DHCR24: variants seen among roughly 807,000 people sequenced by gnomAD.
DHCR24 encodes the protein delta(24)-sterol reductase.
DHCR24 carries 28 observed loss-of-function variants against 61.2 expected under a neutral mutation model. The observed-to-expected ratio is 0.46, with a 90% CI of 0.34 to 0.63. The LOEUF (loss-of-function observed/expected upper bound fraction) is 0.63, where lower values mean the gene tolerates loss of function less well. DHCR24 is among the 20% of genes least tolerant of loss of function. The pLI, the probability that DHCR24 is intolerant of heterozygous loss-of-function variation, is 0.01. For missense variants in DHCR24, 538 were observed against 679.1 expected, an observed-to-expected ratio of 0.79 and a Z score of 2.31; for synonymous variants, 261 against 275.9, an observed-to-expected ratio of 0.95 and a Z score of 0.54.
chr1:54,875,319 C>T, intron 3 of DHCR24, 108 bp from the exon 4 acceptor site: 1 of 913,952 alleles, frequency 1.1e-6, no homozygotes, highest in African/African-American at 1.6e-5. Context: ...GGCAGGCTAG[C>T]AGAAATGGGG....
intron 6 of DHCR24, among the ~76,000 whole-genome samples, chr1:54,855,696 A>G (rs1237609001): frequency 6.6e-6 from 1 of 152,046 alleles, no homozygotes. Flanking sequence ...CTGCCGGACC[A>G]CTCCCATGAA....
chr1:54,866,953 G>A (rs1201536973), intron 5 of DHCR24, among the ~76,000 whole-genome samples: 1 of 152,232 alleles, frequency 6.6e-6, no homozygotes. Context: ...CCCAGGTGAG[G>A]TGTGTCACAT....
intron 7 of DHCR24, among the ~76,000 whole-genome samples, 174 bp downstream of exon 7, chr1:54,853,863 G>A (rs1387370894): frequency 6.6e-6 from 1 of 152,104 alleles, no homozygotes; most frequent in Admixed American, 6.5e-5. Flanking sequence ...TCCCAGGGGG[G>A]CCATCACTGA....
At chr1:54,874,694 G>C (rs1209845076) in intron 4 of DHCR24, among the ~76,000 whole-genome samples, 1 of 152,298 alleles carries the variant, frequency 6.6e-6, no homozygotes, top group African/African-American at 2.4e-5. Flanking sequence ...AGAGAGGCAG[G>C]ATGGCATAAT....
chr1:54,882,933 G>C (rs1647072353), intron 2 of DHCR24, among the ~76,000 whole-genome samples: 1 of 152,068 alleles, frequency 6.6e-6, no homozygotes, highest in Non-Finnish European at 1.5e-5. Flanking sequence ...TTGTTGTCTT[G>C]ATTGTGGTAA....
intron 4 of DHCR24, among the ~76,000 whole-genome samples, chr1:54,874,820 C>A (rs1236215767): frequency 6.7e-6 from 1 of 149,828 alleles, no homozygotes; most frequent in African/African-American, 2.5e-5. Flanking sequence ...GGATAATAAT[C>A]CTTCTATTAT....
intron 6 of DHCR24, among the ~76,000 whole-genome samples, chr1:54,864,208 C>T (rs936642569): frequency 1.3e-5 from 2 of 152,154 alleles, no homozygotes; most frequent in African/African-American, 4.8e-5. Flanking sequence ...AGTTCTATAT[C>T]CCAAAGAACT....
intron 5 of DHCR24, 96 bp from the exon 6 acceptor site, chr1:54,865,542 G>A (rs1343916607): frequency 8.4e-6 from 13 of 1,539,826 alleles, no homozygotes; most frequent in Non-Finnish European, 1.2e-5. Flanking sequence ...AGCACTCCTG[G>A]CCTTTTCAAA....
intron 8 of DHCR24, among the ~76,000 whole-genome samples, chr1:54,853,136 T>C (rs1646886057): frequency 6.6e-6 from 1 of 152,054 alleles, no homozygotes; most frequent in African/African-American, 2.4e-5. Flanking sequence ...CATCATCTGT[T>C]CCGTGGGGAG....
chr1:54,868,065 C>T (rs933611670), intron 5 of DHCR24, among the ~76,000 whole-genome samples: 25 of 152,252 alleles, frequency 1.6e-4, no homozygotes, highest in Admixed American at 1.4e-3. Context: ...AGGATTGTAC[C>T]GGATGATTTT....
intron 6 of DHCR24, among the ~76,000 whole-genome samples, chr1:54,863,685 G>A (rs1029995008): frequency 6.6e-6 from 1 of 152,086 alleles, no homozygotes; most frequent in African/African-American, 2.4e-5. Flanking sequence ...ACAAACAAAA[G>A]GGAAAATAGA....
Position 54,883,831 on chromosome 1 carries a change from C to A in DHCR24, c.232-58G>T, listed in dbSNP as rs1024716748. 6.8e-6 allele frequency: 11 copies of A among 1,609,938 alleles called. No homozygotes were observed. The highest frequency in any genetic ancestry group is 1.3e-5 in the African/African-American group (1 of 74,878). ...CACTGGGAATCCCCAGAGCAGCCTG[C>A]AGCCCTGCTTTCTTCAAGGGCGAGC... is the stretch of plus-strand genomic sequence containing the variant. On this transcript the variant is annotated intron_variant, in intron 1 of 8. Coordinates refer to ENST00000371269, the MANE Select transcript of DHCR24 (RefSeq NM_014762.4). The surrounding 1 kb of genome is among the most constrained non-coding windows in gnomAD (Gnocchi z 4.3).
At chr1:54,884,863 C>A (rs1040595017) in intron 1 of DHCR24, among the ~76,000 whole-genome samples, 1 of 152,106 alleles carries the variant, frequency 6.6e-6, no homozygotes. Flanking sequence ...ACTGTTGGGG[C>A]CTCTGCAGGG....
Position 54,865,455 on chromosome 1 carries a change from A to T in DHCR24, c.877-9T>A. Reference sequence around the variant, plus strand: ...TTGCCAATGCTATTCAGCTGAAATGACAGAGGGCATTGTGATCAGCCTGCA... The same window carrying T: ...TTGCCAATGCTATTCAGCTGAAATGTCAGAGGGCATTGTGATCAGCCTGCA... On this transcript the variant is annotated splice_polypyrimidine_tract_variant and intron_variant, in intron 5 of 8. Transcript: ENST00000371269. The T allele has an allele frequency of 6.2e-7, 1 of 1,614,044 alleles. No homozygotes were observed.
Position 54,875,213 on chromosome 1 carries a change from T to C in DHCR24, c.494-2A>G, listed in dbSNP as rs112836791. ...TGCCTGTGCCCATGATCAAGCCCCC[T>C]GCAGAGACATCACACACAGTGTCAG... On this transcript the variant is annotated splice_acceptor_variant, in intron 3 of 8. Coordinates refer to ENST00000371269, the MANE Select transcript of DHCR24 (RefSeq NM_014762.4). LOFTEE classifies it high-confidence loss of function. 1 of 1,613,974 alleles carries C rather than the reference T, an allele frequency of 6.2e-7. No individual in the cohort carries two copies. The highest frequency in any genetic ancestry group is 1.3e-5 in the African/African-American group (1 of 75,026).
chr1:54,857,949 G>A lies in DHCR24; in HGVS notation c.1021-3715C>T, dbSNP rs578079834. ...TGCAGCTTGTTAAGGGGCTTAGCAC[G>A]CAGGCCTGGTCACACTTGGTTCATT... On this transcript the variant is annotated intron_variant, in intron 6 of 8. Transcript: ENST00000371269. 1.4e-4 allele frequency among the ~76,000 whole-genome samples: 21 copies of A among 152,284 alleles called. No homozygotes were observed. In the East Asian group the frequency reaches 2.3e-3, roughly 17 times the overall value.
At chr1:54,875,002 T>C in intron 4 of DHCR24, 91 bp downstream of exon 4, 1 of 1,108,324 alleles carries the variant, frequency 9.0e-7, no homozygotes, top group African/African-American at 1.5e-5. Flanking sequence ...GTACTGGGAA[T>C]GAAGCACACC....
Position 54,851,953 on chromosome 1 carries a change from C to A in DHCR24, c.*280G>T, listed in dbSNP as rs1235983994. The A allele has an allele frequency of 2.0e-5, 10 of 500,778 alleles. No individual in the cohort carries two copies. The highest frequency in any genetic ancestry group is 3.6e-5 in the Non-Finnish European group (10 of 274,130). The allele number at this position is 500,778 out of a possible 1,614,324, so 31.0% of individuals were successfully genotyped here. The stretch of plus-strand genomic sequence containing the variant: ...CTATCCCTTTCAACTAATGAAGAGA[C>A]CCGGGCTCAGAGGGGTTAAGGGACT... On this transcript the variant is annotated 3_prime_UTR_variant, in exon 9 of 9. Transcript: ENST00000371269.
At chr1:54,865,217 G>A in intron 6 of DHCR24, 86 bp downstream of exon 6, 2 of 1,497,882 alleles carry the variant, frequency 1.3e-6, no homozygotes, top group Admixed American at 1.9e-5. Flanking sequence ...ACCCTGAAGG[G>A]AGAGAGTATG....
Sources: allele counts gnomAD v4.1 joint callset (sites outside exome capture counted in the v4.1 genomes callset), GRCh38; gene constraint gnomAD v4.1.1; non-coding constraint Gnocchi (gnomAD v3.1); transcripts MANE v1.5; gene names NCBI Gene and HGNC (gene_info 2026-07-23, HGNC 2026-07-21).